The following MCC variants were observed in gnomAD, a reference collection of about 807,000 sequenced individuals.
The protein encoded by MCC is colorectal mutant cancer protein.
A neutral mutation model predicts 116.2 loss-of-function variants in MCC; 90 were observed. The observed-to-expected ratio is 0.77, with a 90% CI of 0.65 to 0.92. The LOEUF is 0.92. Among genes scored for constraint, MCC ranks in the 40% least tolerant of loss-of-function variants. MCC has a pLI of 0.00. For synonymous variants in MCC, 578 were observed against 510.5 expected (o/e 1.13, Z -1.78); for missense variants, 1,516 against 1,312.2 (o/e 1.16, Z -2.40).
intron 1 of MCC, among the ~76,000 whole-genome samples, chr5:113,438,990 A>G (rs1165680602): frequency 6.6e-6 from 1 of 152,164 alleles, no homozygotes; most frequent in Non-Finnish European, 1.5e-5. Flanking sequence ...CTGGGAGGTC[A>G]CCCAGGATAC....
chr5:113,247,231 A>C (rs1214747018), intron 3 of MCC, among the ~76,000 whole-genome samples: 2 of 152,224 alleles, frequency 1.3e-5, no homozygotes, highest in Non-Finnish European at 2.9e-5. Flanking sequence ...GGTTTCATCA[A>C]GGGGCAACTG....
chr5:113,109,002 C>G (rs944170779), intron 6 of MCC, among the ~76,000 whole-genome samples: 2 of 152,180 alleles, frequency 1.3e-5, no homozygotes, highest in African/African-American at 2.4e-5. Flanking sequence ...AGCAGGTATT[C>G]TGTGTCCCCT....
intron 17 of MCC, among the ~76,000 whole-genome samples, chr5:113,033,253 G>C (rs1441383073): frequency 1.3e-5 from 2 of 152,216 alleles, no homozygotes; most frequent in Non-Finnish European, 2.9e-5. Flanking sequence ...GCTGACTCTT[G>C]TCATCAGGCA....
At chr5:113,333,300 TTAA>T (rs1767747181) in intron 3 of MCC, among the ~76,000 whole-genome samples, 1 of 151,698 alleles carries the variant, frequency 6.6e-6, no homozygotes, top group African/African-American at 2.4e-5. Context: ...AACGACTATA[TTAA>T]TAATTTTGAT....
At position 113,460,385 on chromosome 5, in the gene MCC, T is replaced by C. The variant is rs373203729; in HGVS notation, c.170+27860A>G. ...ATGTGACTTTGCTCTTTTATTCAAC[T>C]AATATTTGGATTAATACATCTTCTT... is the stretch of plus-strand genomic sequence containing the variant. On this transcript the variant is annotated intron_variant, in intron 1 of 18. Coordinates refer to ENST00000408903, the MANE Select transcript of MCC (RefSeq NM_001085377.2). Among the ~76,000 whole-genome samples the C allele has an allele frequency of 1.4e-3, 206 of 152,354 alleles. 2 individuals carry two copies. The South Asian group carries it at 0.025, about 19-fold the overall frequency.
intron 3 of MCC, among the ~76,000 whole-genome samples, chr5:113,177,880 C>A (rs1289726771): frequency 6.6e-6 from 1 of 152,160 alleles, no homozygotes; most frequent in East Asian, 1.9e-4. Context: ...TAGGTAGTTT[C>A]TAATCTTTAC....
At chr5:113,206,696 G>A (rs1441832733) in intron 3 of MCC, among the ~76,000 whole-genome samples, 2 of 152,222 alleles carry the variant, frequency 1.3e-5, no homozygotes, top group African/African-American at 4.8e-5. Flanking sequence ...GCGACAGAGC[G>A]AGACTGTCTC....
At chr5:113,172,024 A>C (rs890153744) in intron 3 of MCC, among the ~76,000 whole-genome samples, 1 of 152,162 alleles carries the variant, frequency 6.6e-6, no homozygotes, top group African/African-American at 2.4e-5. Context: ...GGGAGCACTG[A>C]GGGGGAAAAG....
chr5:113,257,403 G>A (rs1765055173), intron 3 of MCC, among the ~76,000 whole-genome samples: 1 of 152,092 alleles, frequency 6.6e-6, no homozygotes, highest in African/African-American at 2.4e-5. Context: ...ACAGGAGACA[G>A]GAAGGAAAAA....
chr5:113,134,657 C>A (rs998493061), intron 5 of MCC, among the ~76,000 whole-genome samples: 3 of 133,018 alleles, frequency 2.3e-5, no homozygotes, highest in African/African-American at 5.6e-5. Context: ...ATAGGGATTA[C>A]ATTGACTCTA....
chr5:113,376,135 T>A (rs541537421), intron 2 of MCC, among the ~76,000 whole-genome samples: 4 of 152,350 alleles, frequency 2.6e-5, no homozygotes, highest in Admixed American at 2.0e-4. Flanking sequence ...TTACTTGGAC[T>A]GATTTTCTCT....
At chr5:113,298,060 G>C (rs1766758192) in intron 3 of MCC, among the ~76,000 whole-genome samples, 3 of 152,184 alleles carry the variant, frequency 2.0e-5, no homozygotes, top group South Asian at 4.1e-4. Flanking sequence ...TGGAGATGGA[G>C]GTTCGAGGTT....
chr5:113,297,640 C>CTACTCAGGA (rs1223662279), intron 3 of MCC, among the ~76,000 whole-genome samples: 6 of 150,458 alleles, frequency 4.0e-5, no homozygotes, highest in African/African-American at 1.5e-4. Flanking sequence ...GTAGTCCCAG[C>CTACTCAGGA]TACTCAGGAG....
chr5:113,180,079 G>A (rs929820517), intron 3 of MCC, among the ~76,000 whole-genome samples: 3 of 152,080 alleles, frequency 2.0e-5, no homozygotes, highest in Admixed American at 6.5e-5. Context: ...ACAGTGGCCC[G>A]ACAGCCTCCT....
intron 8 of MCC, among the ~76,000 whole-genome samples, chr5:113,090,916 G>A (rs1755580015): frequency 6.6e-6 from 1 of 152,244 alleles, no homozygotes; most frequent in Admixed American, 6.5e-5. Flanking sequence ...CCAGAAATGA[G>A]AAAGAAGGCT....
intron 3 of MCC, among the ~76,000 whole-genome samples, chr5:113,183,109 G>A (rs772943208): frequency 6.6e-6 from 1 of 152,154 alleles, no homozygotes; most frequent in African/African-American, 2.4e-5. Context: ...CAGGTCCGTG[G>A]CTGCCAGATG....
At chr5:113,333,047 C>CA (rs1354819365) in intron 3 of MCC, among the ~76,000 whole-genome samples, 1 of 151,244 alleles carries the variant, frequency 6.6e-6, no homozygotes, top group Non-Finnish European at 1.5e-5. Context: ...TAAAAACAAA[C>CA]AAAAAAACTC....
chr5:113,394,647 C>T (rs933645163), intron 1 of MCC, among the ~76,000 whole-genome samples: 9 of 152,208 alleles, frequency 5.9e-5, no homozygotes, highest in Non-Finnish European at 8.8e-5. Context: ...CAAACTCCAG[C>T]GCATGTTTCA....
intron 4 of MCC, among the ~76,000 whole-genome samples, chr5:113,146,690 C>A (rs984848427): frequency 3.3e-5 from 5 of 152,176 alleles, no homozygotes; most frequent in Non-Finnish European, 4.4e-5. Flanking sequence ...CCTCTGGGAC[C>A]AAAGGCAGTT....
Sources: gnomAD v4.1 joint callset for allele counts (sites outside exome capture counted in the v4.1 genomes callset) on GRCh38, gnomAD v4.1.1 for gene constraint, MANE v1.5 for transcripts, NCBI Gene and HGNC (gene_info 2026-07-23, HGNC 2026-07-21) for gene names.